The following CMYA5 variants were observed in gnomAD, a reference collection of about 807,000 sequenced individuals.
CMYA5 encodes the protein cardiomyopathy associated 5.
CMYA5 carries 246 observed loss-of-function variants against 318.9 expected under a neutral mutation model. The ratio of observed to expected loss-of-function variants is 0.77; its 90% CI spans 0.70 to 0.86. The LOEUF (loss-of-function observed/expected upper bound fraction) is 0.86. Among genes scored for constraint, CMYA5 ranks in the 40% least tolerant of loss-of-function variants. CMYA5 has a pLI of 0.00. For missense variants in CMYA5, 4,589 were observed against 4,678.2 expected (o/e 0.98, Z 0.56); for synonymous variants, 1,641 against 1,729.5 (o/e 0.95, Z 1.27).
At chr5:79,795,071 T>C (rs1388074909) in intron 12 of CMYA5, among the ~76,000 whole-genome samples, 1 of 152,144 alleles carries the variant, frequency 6.6e-6, no homozygotes, top group African/African-American at 2.4e-5. Context: ...TAACCTCCAA[T>C]AACAAATTCC....
chr5:79,736,870 CA>C lies in CMYA5; in HGVS notation c.8106del (p.Val2703Ter). 1 of 1,610,250 alleles carries C rather than the reference CA, an allele frequency of 6.2e-7. No individual in the cohort carries two copies. Among genetic ancestry groups the C allele is most frequent in the Non-Finnish European group, 8.5e-7 (1 of 1,179,214 alleles). On this transcript the variant is annotated frameshift_variant, in exon 2 of 13. Coordinates refer to ENST00000446378, the MANE Select transcript of CMYA5 (RefSeq NM_153610.5). LOFTEE classifies it high-confidence loss of function. Reference protein sequence around the residue: ...ETVKQGFQEKAVGTQPRPLEE... With the variant: ...ETVKQGFQEKXVGTQPRPLEE... ...GTGAAACAAGGATTTCAAGAAAAGG[CA>C]GTAGGAACCCAACCACGTCCTTTAG...
intron 12 of CMYA5, among the ~76,000 whole-genome samples, chr5:79,796,551 G>T (rs1160046259): frequency 6.6e-6 from 1 of 152,004 alleles, no homozygotes; most frequent in Non-Finnish European, 1.5e-5. Context: ...TAGGCACGTG[G>T]CACCACCCCC....
chr5:79,764,236 G>A (rs1353243233), intron 9 of CMYA5, among the ~76,000 whole-genome samples: 3 of 151,854 alleles, frequency 2.0e-5, no homozygotes, highest in Non-Finnish European at 4.4e-5. Flanking sequence ...CCACTTATGA[G>A]TGAGAACATG....
intron 9 of CMYA5, among the ~76,000 whole-genome samples, chr5:79,778,841 T>TGTGTGTGTGTGTGTG (rs1410217042): frequency 3.2e-5 from 2 of 63,446 alleles, no homozygotes; most frequent in Admixed American, 1.9e-4. Flanking sequence ...GTGTGTATGT[T>TGTGTGTGTGTGTGTG]TATTCACTCA....
Position 79,731,324 on chromosome 5 carries a change from A to G in CMYA5, c.2559A>G (p.Glu853=). The change falls in exon 2 of 13, where the codon GAA becomes GAG. Residue 853 remains glutamate, a synonymous_variant. Coordinates refer to ENST00000446378, the MANE Select transcript of CMYA5 (RefSeq NM_153610.5). The part of the protein sequence containing the change: ...PSSPDLVVAS[E]HSFPPHTTEM... ...CCCCAGATTTGGTTGTTGCATCTGA[A>G]CACTCTTTCCCACCACACACAACCG... 5 of 1,613,932 alleles carry G rather than the reference A, an allele frequency of 3.1e-6. No individual in the cohort carries two copies. The highest frequency in any genetic ancestry group is 3.4e-6 in the Non-Finnish European group (4 of 1,179,866).
rs1827355126 is a variant in CMYA5 at position 79,709,981 on chromosome 5, A to G, written c.150-18934A>G. Among the ~76,000 whole-genome samples, 3 of 149,696 alleles carry G rather than the reference A, an allele frequency of 2.0e-5. 1 individual carries two copies. Among genetic ancestry groups the G allele is most frequent in the Non-Finnish European group, 4.5e-5 (3 of 67,404 alleles). ...ATCTCAAAAAAAAAAAAAAAAAAAA[A>G]AAAAAAAGAAAGAAAGAAAAAGAAA... On this transcript the variant is annotated intron_variant, in intron 1 of 12. Coordinates refer to ENST00000446378, the MANE Select transcript of CMYA5 (RefSeq NM_153610.5).
Position 79,732,217 on chromosome 5 carries a change from C to T in CMYA5, c.3452C>T (p.Ala1151Val). ...AGTTCATCAGTAGCTGCAATACCTG[C>T]TGCTTTACCTGCACAATCATCTATA... ...EASSSVAAIPAALPAQSSIVK... is the reference protein window; with the variant it reads ...EASSSVAAIPVALPAQSSIVK... Residue 1151 changes from alanine to valine, a missense_variant, in exon 2 of 13, where the codon GCT (alanine) becomes GTT (valine). Physicochemically the swap from Ala to Val is moderately conservative, Grantham distance 64 (BLOSUM62 0). Transcript: ENST00000446378. The T allele has an allele frequency of 1.2e-6, 2 of 1,613,924 alleles. No homozygotes were observed. Among genetic ancestry groups the T allele is most frequent in the Non-Finnish European group, 1.7e-6 (2 of 1,179,870 alleles).
intron 9 of CMYA5, among the ~76,000 whole-genome samples, chr5:79,773,256 C>T (rs1157864818): frequency 6.6e-6 from 1 of 152,124 alleles, no homozygotes; most frequent in Non-Finnish European, 1.5e-5. Context: ...GCATCAAACA[C>T]ATAACACTGA....
Position 79,733,346 on chromosome 5 carries a change from T to C in CMYA5, c.4581T>C (p.His1527=), listed in dbSNP as rs1355733325. The part of the protein sequence containing the change: ...MSTSEVLEPE[H]ELPLSLWGEI... Reference sequence around the variant, plus strand: ...CCTCAGAGGTGTTAGAGCCTGAACATGAGCTTCCACTCAGCCTATGGGGTG... The same window carrying C: ...CCTCAGAGGTGTTAGAGCCTGAACACGAGCTTCCACTCAGCCTATGGGGTG... The change falls in exon 2 of 13, where the codon CAT becomes CAC. Residue 1527 remains histidine (H), a synonymous_variant. Transcript: ENST00000446378. 6.2e-7 allele frequency: 1 copy of C among 1,613,590 alleles called. No individual in the cohort carries two copies. The highest frequency in any genetic ancestry group is 2.2e-5 in the East Asian group (1 of 44,876).
chr5:79,715,089 A>T (rs566547052), intron 1 of CMYA5, among the ~76,000 whole-genome samples: 1 of 152,160 alleles, frequency 6.6e-6, no homozygotes, highest in African/African-American at 2.4e-5. Flanking sequence ...TGTAATTAAA[A>T]TGAATTATGT....
At chr5:79,715,805 T>C (rs1449666267) in intron 1 of CMYA5, among the ~76,000 whole-genome samples, 1 of 152,222 alleles carries the variant, frequency 6.6e-6, no homozygotes, top group Non-Finnish European at 1.5e-5. Flanking sequence ...ACCCTATTTT[T>C]CCAACTCATA....
intron 2 of CMYA5, among the ~76,000 whole-genome samples, chr5:79,743,625 C>T (rs970170594): frequency 4.6e-5 from 7 of 152,132 alleles, no homozygotes; most frequent in East Asian, 1.9e-4. Context: ...TTGAGGTTTT[C>T]ACTCAAAACC....
At chr5:79,714,865 C>G (rs1827484294) in intron 1 of CMYA5, among the ~76,000 whole-genome samples, 1 of 152,124 alleles carries the variant, frequency 6.6e-6, no homozygotes, top group South Asian at 2.1e-4. Context: ...TGTTACTCTT[C>G]TTTATATTCC....
chr5:79,726,676 C>T (rs1827753673), intron 1 of CMYA5, among the ~76,000 whole-genome samples: 1 of 152,164 alleles, frequency 6.6e-6, no homozygotes, highest in Non-Finnish European at 1.5e-5. Flanking sequence ...CTGGCTGCCC[C>T]AGGCTCCCCA....
intron 1 of CMYA5, among the ~76,000 whole-genome samples, chr5:79,708,312 C>T (rs1827312838): frequency 6.6e-6 from 1 of 152,114 alleles, no homozygotes; most frequent in Non-Finnish European, 1.5e-5. Flanking sequence ...ATGGCAAATA[C>T]TAATCATAAT....
At chr5:79,794,486 G>T (rs1429254882) in intron 12 of CMYA5, among the ~76,000 whole-genome samples, 1 of 152,192 alleles carries the variant, frequency 6.6e-6, no homozygotes. Flanking sequence ...CAGGAATCCA[G>T]TTTGAGGTCT....
chr5:79,712,919 A>G (rs1343094980), intron 1 of CMYA5, among the ~76,000 whole-genome samples: 1 of 152,222 alleles, frequency 6.6e-6, no homozygotes, highest in Admixed American at 6.5e-5. Context: ...CTTAGTAACC[A>G]CCACTCAACA....
chr5:79,756,408 G>A (rs1009030098), intron 6 of CMYA5, among the ~76,000 whole-genome samples: 5 of 152,272 alleles, frequency 3.3e-5, no homozygotes, highest in African/African-American at 1.2e-4. Flanking sequence ...TTTGCTTTCT[G>A]AATGTTAGCA....
At position 79,799,537 on chromosome 5, in the gene CMYA5, C is replaced by T; in HGVS notation, c.12131C>T (p.Pro4044Leu). The change falls in exon 13 of 13, where the codon CCT becomes CTT. Residue 4044 changes from proline (P) to leucine (L), a missense_variant. Pro to Leu is a moderately conservative substitution (Grantham distance 98). Coordinates refer to ENST00000446378, the MANE Select transcript of CMYA5 (RefSeq NM_153610.5). ...CACAGGTTTAATGAGGGTGTCCACC[C>T]TGCCTTTGCCCTGGAGAAACCTGGA... is the stretch of plus-strand genomic sequence containing the variant. ...IRHRFNEGVH[P>L]AFALEKPGKC... The T allele has an allele frequency of 6.2e-7, 1 of 1,613,956 alleles. No homozygotes were observed. Among genetic ancestry groups the T allele is most frequent in the African/African-American group, 1.3e-5 (1 of 75,026 alleles).
Sources: gnomAD v4.1 joint callset for allele counts (sites outside exome capture counted in the v4.1 genomes callset) on GRCh38, gnomAD v4.1.1 for gene constraint, MANE v1.5 for transcripts, NCBI Gene and HGNC (gene_info 2026-07-23, HGNC 2026-07-21) for gene names.